The following CA10 variants were observed in gnomAD, a reference collection of about 807,000 sequenced individuals.
CA10 encodes the protein carbonic anhydrase-related protein 10.
CA10 carries 14 observed loss-of-function variants against 44.2 expected under a neutral mutation model. The observed-to-expected ratio is 0.32, with a 90% confidence interval of 0.21 to 0.50. The LOEUF (loss-of-function observed/expected upper bound fraction) is 0.50. CA10 is among the 20% of genes least tolerant of loss of function. CA10 has a pLI of 0.99. For synonymous variants in CA10, 159 were observed against 141.6 expected (o/e 1.12, Z -0.87); for missense variants, 350 against 409.7 (o/e 0.85, Z 1.26).
At chr17:51,936,003 C>T (rs1317086818) in intron 2 of CA10, among the ~76,000 whole-genome samples, 2 of 152,124 alleles carry the variant, frequency 1.3e-5, no homozygotes, top group South Asian at 4.1e-4. Context: ...CCTAAGCCAG[C>T]AGAATTTGCT....
chr17:51,948,342 G>A (rs1300639104), intron 2 of CA10, among the ~76,000 whole-genome samples: 2 of 152,128 alleles, frequency 1.3e-5, no homozygotes, highest in African/African-American at 4.8e-5. Context: ...GTTCCGGTTG[G>A]CATTATTCCA....
At chr17:52,118,064 T>C (rs1988936094) in intron 1 of CA10, among the ~76,000 whole-genome samples, 1 of 152,200 alleles carries the variant, frequency 6.6e-6, no homozygotes, top group African/African-American at 2.4e-5. Flanking sequence ...TAGCAAAATT[T>C]GTAGAGGGTT....
chr17:51,959,947 T>C (rs554396569), intron 2 of CA10, among the ~76,000 whole-genome samples: 1 of 152,006 alleles, frequency 6.6e-6, no homozygotes, highest in African/African-American at 2.4e-5. Flanking sequence ...GTCAATCAAC[T>C]GACATCAATC....
chr17:52,070,209 G>A (rs914799870), intron 2 of CA10, among the ~76,000 whole-genome samples: 35 of 152,174 alleles, frequency 2.3e-4, no homozygotes, highest in African/African-American at 8.0e-4. Flanking sequence ...AGAGGATGAG[G>A]AAGTCATCTT....
At chr17:51,668,316 CAGAG>C (rs375833805) in intron 4 of CA10, among the ~76,000 whole-genome samples, 1 of 151,330 alleles carries the variant, frequency 6.6e-6, no homozygotes, top group African/African-American at 2.4e-5. Context: ...TTTCTCAGTC[CAGAG>C]AGAGAGAGAG....
chr17:51,730,144 A>G (rs1916666086), intron 4 of CA10, among the ~76,000 whole-genome samples: 1 of 152,234 alleles, frequency 6.6e-6, no homozygotes, highest in Non-Finnish European at 1.5e-5. Context: ...GCAAAGAAAG[A>G]CTGTAAATAT....
chr17:52,082,189 C>T (rs1847661679), intron 1 of CA10, among the ~76,000 whole-genome samples: 1 of 152,074 alleles, frequency 6.6e-6, no homozygotes, highest in Non-Finnish European at 1.5e-5. Flanking sequence ...GACATGTGAA[C>T]CTCCATTTAT....
intron 1 of CA10, among the ~76,000 whole-genome samples, chr17:52,132,008 T>C (rs1325144975): frequency 6.7e-6 from 1 of 150,338 alleles, no homozygotes; most frequent in African/African-American, 2.5e-5. Context: ...TGGGGACTGT[T>C]GTGGGGTGGG....
chr17:52,138,056 A>G (rs1427190256), intron 1 of CA10, among the ~76,000 whole-genome samples: 2 of 152,200 alleles, frequency 1.3e-5, no homozygotes, highest in Non-Finnish European at 2.9e-5. Flanking sequence ...CAGAAATCTG[A>G]AATGAATCTT....
intron 4 of CA10, among the ~76,000 whole-genome samples, chr17:51,675,648 G>A (rs113751294): frequency 0.11 from 16,276 of 151,290 alleles, 1,134 homozygotes; most frequent in East Asian, 0.29. Context: ...CCCTGGGGGC[G>A]GAGGTTGCAG....
At chr17:51,764,667 A>C (rs1166772968) in intron 3 of CA10, among the ~76,000 whole-genome samples, 1 of 152,184 alleles carries the variant, frequency 6.6e-6, no homozygotes, top group Non-Finnish European at 1.5e-5. Flanking sequence ...AGGAGGCTAC[A>C]TGACTCCAAG....
chr17:52,044,444 T>C (rs185230753), intron 2 of CA10, among the ~76,000 whole-genome samples: 170 of 152,090 alleles, frequency 1.1e-3, no homozygotes, highest in Non-Finnish European at 5.0e-4. Flanking sequence ...GCTGGGACTA[T>C]GGGTGCATGC....
chr17:51,713,208 A>C (rs1915999114), intron 4 of CA10, among the ~76,000 whole-genome samples: 1 of 152,208 alleles, frequency 6.6e-6, no homozygotes, highest in Non-Finnish European at 1.5e-5. Flanking sequence ...TTACACATGC[A>C]CTGAATGGTT....
At chr17:51,887,843 CA>C (rs59075793) in intron 3 of CA10, among the ~76,000 whole-genome samples, 15,219 of 83,554 alleles carry the variant, frequency 0.18, 1,123 homozygotes, top group African/African-American at 0.31. Context: ...ACTAAAAATA[CA>C]AAAAAAAAAA....
chr17:52,147,486 A>C (rs1367497120), intron 1 of CA10, among the ~76,000 whole-genome samples: 2 of 151,692 alleles, frequency 1.3e-5, no homozygotes, highest in African/African-American at 4.9e-5. Context: ...TTCTAAAAGC[A>C]GATTTAAAAA....
intron 4 of CA10, among the ~76,000 whole-genome samples, chr17:51,704,837 C>T (rs1915712723): frequency 1.3e-5 from 2 of 152,016 alleles, no homozygotes; most frequent in Non-Finnish European, 2.9e-5. Context: ...ATGGCATGCA[C>T]CTGTAATCCC....
intron 3 of CA10, among the ~76,000 whole-genome samples, chr17:51,916,095 C>T (rs1598115892): frequency 2.0e-5 from 3 of 151,934 alleles, no homozygotes; most frequent in Admixed American, 6.6e-5. Flanking sequence ...AGATTTTGAA[C>T]GTATTTCCAG....
intron 4 of CA10, among the ~76,000 whole-genome samples, chr17:51,700,121 G>A (rs1915542731): frequency 6.6e-6 from 1 of 152,140 alleles, no homozygotes; most frequent in Non-Finnish European, 1.5e-5. Flanking sequence ...ACTAGACTGG[G>A]AATCCCAGCT....
chr17:52,119,590 TA>T (rs895016362), intron 1 of CA10, among the ~76,000 whole-genome samples: 1 of 151,956 alleles, frequency 6.6e-6, no homozygotes, highest in African/African-American at 2.4e-5. Flanking sequence ...GGCTCAGCTT[TA>T]AAAAAAAGAA....
Sources: gnomAD v4.1 joint callset for allele counts (sites outside exome capture counted in the v4.1 genomes callset) on GRCh38, gnomAD v4.1.1 for gene constraint, MANE v1.5 for transcripts, NCBI Gene and HGNC (gene_info 2026-07-23, HGNC 2026-07-21) for gene names.